The following COL10A1 variants were observed in gnomAD, a reference collection of about 807,000 sequenced individuals.
COL10A1 encodes collagen alpha-1(X) chain.
COL10A1 carries 10 observed loss-of-function variants against 18.2 expected under a neutral mutation model. That is an observed-to-expected ratio of 0.55 (90% CI 0.34 to 0.93). The LOEUF (loss-of-function observed/expected upper bound fraction) is 0.93. Ranked by LOEUF, COL10A1 falls within the 40% of genes least tolerant of loss-of-function variation. The pLI is 0.02. For missense variants in COL10A1, 897 were observed against 853.5 expected, an observed-to-expected ratio of 1.05 and a Z score of -0.64; for synonymous variants, 330 against 316.6, an observed-to-expected ratio of 1.04 and a Z score of -0.45.
At chr6:116,149,941 G>C (rs1203248077) in intron 1 of COL10A1, among the ~76,000 whole-genome samples, 1 of 152,196 alleles carries the variant, frequency 6.6e-6, no homozygotes, top group East Asian at 1.9e-4. Flanking sequence ...GGTAGGTAAG[G>C]TTGAAAGTGT....
At position 116,120,067 on chromosome 6, in the gene COL10A1, G is replaced by GGGC. The variant is rs1554192883; in HGVS notation, c.*5_*6insGCC. The GGGC allele has an allele frequency of 1.4e-6, 2 of 1,461,454 alleles. No homozygotes were observed. Among genetic ancestry groups the GGGC allele is most frequent in the East Asian group, 5.0e-5 (2 of 39,680 alleles). The allele number at this position is 1,461,454 out of a possible 1,614,324, so 90.5% of individuals were successfully genotyped here. On this transcript the variant is annotated 3_prime_UTR_variant, in exon 3 of 3. Transcript: ENST00000651968. ...AGCACAAGATTTAGATTAGCTCTGT[G>GGGC]TGTACTCACATTGGAGCCACTAGGA...
chr6:116,161,128 G>A (rs1290547000), upstream of COL10A1, among the ~76,000 whole-genome samples: 1 of 148,308 alleles, frequency 6.7e-6, no homozygotes, highest in Non-Finnish European at 1.5e-5. Flanking sequence ...ACTCATAGGT[G>A]GGAATTGAAC....
At chr6:116,157,132 C>G (rs146466162) in intron 1 of COL10A1, among the ~76,000 whole-genome samples, 6 of 152,250 alleles carry the variant, frequency 3.9e-5, no homozygotes, top group Non-Finnish European at 8.8e-5. Flanking sequence ...ATATGGAAAA[C>G]AAAGCAAAAC....
chr6:116,132,068 T>C (rs12205235), intron 1 of COL10A1, among the ~76,000 whole-genome samples: 27,403 of 152,120 alleles, frequency 0.18, 3,271 homozygotes, highest in Middle Eastern at 0.34. Context: ...CTTTATCCAG[T>C]CTATCATTGA....
chr6:116,142,966 G>T (rs1234604718), intron 1 of COL10A1, among the ~76,000 whole-genome samples: 1 of 152,136 alleles, frequency 6.6e-6, no homozygotes, highest in East Asian at 1.9e-4. Context: ...GTTTCATGGT[G>T]GGAAAATTTG....
At chr6:116,195,515 AG>A in the COL10A1 span, among the ~76,000 whole-genome samples, 32 of 152,070 alleles carry the variant, frequency 2.1e-4, no homozygotes, top group Non-Finnish European at 7.4e-5. Flanking sequence ...AGTTCAATAC[AG>A]GGATTCCAAT....
the COL10A1 span, among the ~76,000 whole-genome samples, chr6:116,212,583 A>G: frequency 6.6e-6 from 1 of 152,174 alleles, no homozygotes; most frequent in Non-Finnish European, 1.5e-5. Context: ...AATTAAGGAA[A>G]CAGTGCACTC....
intron 1 of COL10A1, among the ~76,000 whole-genome samples, chr6:116,156,937 A>G (rs552654536): frequency 4.3e-4 from 65 of 152,188 alleles, no homozygotes; most frequent in South Asian, 3.5e-3. Flanking sequence ...TGCATTGACC[A>G]GCCACTCACT....
intron 1 of COL10A1, among the ~76,000 whole-genome samples, chr6:116,142,307 A>C (rs915079356): frequency 6.6e-6 from 1 of 151,912 alleles, no homozygotes; most frequent in African/African-American, 2.4e-5. Context: ...TTTATTTGGC[A>C]TATACTTAGG....
chr6:116,127,003 A>G (rs188022282), upstream of COL10A1, among the ~76,000 whole-genome samples: 133 of 152,252 alleles, frequency 8.7e-4, 1 homozygote, highest in Non-Finnish European at 1.6e-3. Context: ...AGTTTTTAGG[A>G]TCCTAAAAAA....
chr6:116,145,253 G>A (rs1181190418), intron 1 of COL10A1, among the ~76,000 whole-genome samples: 2 of 152,036 alleles, frequency 1.3e-5, no homozygotes, highest in African/African-American at 2.4e-5. Context: ...AATTTGTTTA[G>A]AAAGGTGTGA....
At chr6:116,178,088 T>TGTGTGTGTGTGTGTGTGTGTGTGTGC in the COL10A1 span, among the ~76,000 whole-genome samples, 3 of 99,624 alleles carry the variant, frequency 3.0e-5, no homozygotes, top group African/African-American at 1.4e-4. Flanking sequence ...TGTGTGTGTG[T>TGTGTGTGTGTGTGTGTGTGTGTGTGC]GCGCGCGCGC....
the COL10A1 span, among the ~76,000 whole-genome samples, chr6:116,199,997 A>ACG: frequency 8.4e-6 from 1 of 119,600 alleles, no homozygotes; most frequent in African/African-American, 2.8e-5. Context: ...CAGTATGGAA[A>ACG]GTGGGGGGGG....
chr6:116,207,746 C>A, the COL10A1 span, among the ~76,000 whole-genome samples: 1 of 151,872 alleles, frequency 6.6e-6, no homozygotes, highest in Admixed American at 6.6e-5. Context: ...ACTGTGAACC[C>A]CTCGTGCCCA....
intron 1 of COL10A1, among the ~76,000 whole-genome samples, chr6:116,140,900 C>T (rs996061112): frequency 6.6e-6 from 1 of 152,004 alleles, no homozygotes; most frequent in Non-Finnish European, 1.5e-5. Flanking sequence ...TTTAGCTATC[C>T]AAAATAATAC....
chr6:116,198,827 T>C, the COL10A1 span, among the ~76,000 whole-genome samples: 1 of 152,048 alleles, frequency 6.6e-6, no homozygotes, highest in Admixed American at 6.6e-5. Flanking sequence ...TCTGATAGGC[T>C]AACTCATGAG....
chr6:116,182,896 A>G, the COL10A1 span, among the ~76,000 whole-genome samples: 5 of 151,908 alleles, frequency 3.3e-5, no homozygotes, highest in African/African-American at 9.7e-5. Flanking sequence ...CCATCTATTT[A>G]TCTTTGCTTT....
chr6:116,215,576 T>C, the COL10A1 span, among the ~76,000 whole-genome samples: 2 of 152,148 alleles, frequency 1.3e-5, no homozygotes, highest in African/African-American at 4.8e-5. Flanking sequence ...AGCGTCCTCA[T>C]TAAAGGATTT....
chr6:116,164,225 A>G, the COL10A1 span, among the ~76,000 whole-genome samples: 2 of 151,504 alleles, frequency 1.3e-5, no homozygotes, highest in African/African-American at 4.9e-5. Context: ...TTTTTATTTT[A>G]TTTTCTTAGG....
Sources: gnomAD v4.1 joint callset for allele counts (sites outside exome capture counted in the v4.1 genomes callset) on GRCh38, gnomAD v4.1.1 for gene constraint, MANE v1.5 for transcripts, NCBI Gene and HGNC (gene_info 2026-07-23, HGNC 2026-07-21) for gene names.